SLC39A11: variants seen among roughly 807,000 people sequenced by gnomAD.
SLC39A11 encodes zinc transporter ZIP11.
In SLC39A11, 33 loss-of-function variants were observed where a neutral mutation model predicts 36.1. That is an observed-to-expected ratio of 0.91 (90% CI 0.69 to 1.22). SLC39A11 has a LOEUF of 1.22. Ranked by LOEUF, SLC39A11 falls within the 50% of genes most tolerant of loss-of-function variation. SLC39A11 has a pLI of 0.00. For missense variants in SLC39A11, 432 were observed against 430.3 expected, an observed-to-expected ratio of 1.00 and a Z score of -0.03; for synonymous variants, 166 against 170.3, an observed-to-expected ratio of 0.97 and a Z score of 0.20.
In SLC39A11 at chr17:72,773,082, G is replaced by A. The variant is rs141798419; in HGVS notation, c.602-36363C>T. On this transcript the variant is annotated intron_variant, in intron 6 of 9. Coordinates refer to ENST00000255559, the MANE Select transcript of SLC39A11 (RefSeq NM_139177.4). ...TCTTGGGCGACAAGAGTGAAACTCC[G>A]TCTCAAAAAAGAAAAAAGAAAGAAA... 9.0e-3 allele frequency among the ~76,000 whole-genome samples: 1,365 copies of A among 152,174 alleles called. 10 individuals carry two copies. The highest frequency in any genetic ancestry group is 0.013 in the Non-Finnish European group (900 of 67,994).
At chr17:72,994,929 T>A (rs1428041705) in intron 4 of SLC39A11, among the ~76,000 whole-genome samples, 1 of 152,204 alleles carries the variant, frequency 6.6e-6, no homozygotes, top group African/African-American at 2.4e-5. Context: ...ATGGTGCTAG[T>A]TTCCACCTGG....
intron 3 of SLC39A11, among the ~76,000 whole-genome samples, chr17:73,081,670 C>CATATATGTAGATATGTATGT (rs1568242944): frequency 4.9e-5 from 4 of 82,206 alleles, no homozygotes; most frequent in South Asian, 4.7e-4. Context: ...CACACACACA[C>CATATATGTAGATATGTATGT]ATATATATAC....
intron 5 of SLC39A11, among the ~76,000 whole-genome samples, chr17:72,873,567 G>T (rs2080751488): frequency 6.6e-6 from 1 of 152,172 alleles, no homozygotes; most frequent in East Asian, 1.9e-4. Flanking sequence ...CAGGTTTGCA[G>T]AATGAAGAGA....
rs761969127 is a variant in SLC39A11, at chr17:72,947,840, C to T, written c.342G>A (p.Leu114=). 9.9e-6 allele frequency: 16 copies of T among 1,614,152 alleles called. No individual in the cohort carries two copies. Among genetic ancestry groups the T allele is most frequent in the Non-Finnish European group, 1.4e-5 (16 of 1,180,036 alleles). Reference sequence around the variant, plus strand: ...TCTTCATCAACGTAGAGCCGAAGTTCAGTGCCAGGGTCGTCTGGGGGTCTT... The same window carrying T: ...TCTTCATCAACGTAGAGCCGAAGTTTAGTGCCAGGGTCGTCTGGGGGTCTT... The part of the protein sequence containing the change: ...AAEDPQTTLA[L]NFGSTLMKKK... Residue 114 remains leucine, a synonymous_variant, in exon 5 of 10, where the codon CTG becomes CTA. Transcript: ENST00000255559.
At chr17:73,030,044 G>C (rs2058689403) in intron 4 of SLC39A11, among the ~76,000 whole-genome samples, 1 of 152,190 alleles carries the variant, frequency 6.6e-6, no homozygotes, top group Admixed American at 6.5e-5. Context: ...CAGATCATCA[G>C]GCATTAGTTA....
At chr17:72,932,753 G>A (rs969064085) in intron 5 of SLC39A11, among the ~76,000 whole-genome samples, 1 of 151,920 alleles carries the variant, frequency 6.6e-6, no homozygotes, top group African/African-American at 2.4e-5. Flanking sequence ...CAATATACTA[G>A]GCACCATTCT....
At chr17:72,734,258 ACT>A (rs543124065) in intron 7 of SLC39A11, among the ~76,000 whole-genome samples, 2 of 151,878 alleles carry the variant, frequency 1.3e-5, no homozygotes, top group Non-Finnish European at 2.9e-5. Flanking sequence ...GGAATCACAA[ACT>A]CTACACGTTT....
intron 5 of SLC39A11, among the ~76,000 whole-genome samples, chr17:72,876,753 CT>C (rs2080918927): frequency 6.6e-6 from 1 of 152,200 alleles, no homozygotes; most frequent in Non-Finnish European, 1.5e-5. Flanking sequence ...TATAAACCCC[CT>C]AATTTTAGTC....
intron 6 of SLC39A11, among the ~76,000 whole-genome samples, chr17:72,803,089 G>A (rs556028344): frequency 6.6e-6 from 1 of 152,352 alleles, no homozygotes; most frequent in South Asian, 2.1e-4. Flanking sequence ...ACAAAGACGG[G>A]ATTTGGTTTC....
chr17:72,913,801 G>T (rs1453385845), intron 5 of SLC39A11, among the ~76,000 whole-genome samples: 1 of 151,928 alleles, frequency 6.6e-6, no homozygotes, highest in African/African-American at 2.4e-5. Flanking sequence ...CTGTATCTCA[G>T]TCTGCATGCA....
intron 5 of SLC39A11, among the ~76,000 whole-genome samples, chr17:72,944,526 C>CT (rs2085305711): frequency 3.1e-5 from 4 of 129,728 alleles, no homozygotes; most frequent in Non-Finnish European, 7.1e-5. Flanking sequence ...AGTCCCTTGC[C>CT]TTTCAAACAC....
chr17:72,732,025 TTTTTC>T (rs1299860733), intron 7 of SLC39A11, among the ~76,000 whole-genome samples: 11 of 93,910 alleles, frequency 1.2e-4, no homozygotes, highest in South Asian at 3.6e-4. Context: ...TTTCTTTATT[TTTTTC>T]TTTTCTTTTC....
At chr17:72,745,794 G>A (rs918012662) in intron 6 of SLC39A11, among the ~76,000 whole-genome samples, 2 of 152,256 alleles carry the variant, frequency 1.3e-5, no homozygotes. Flanking sequence ...GAAAATAAGC[G>A]GTGATGCTAC....
intron 7 of SLC39A11, among the ~76,000 whole-genome samples, chr17:72,700,388 C>T (rs1376062510): frequency 1.3e-5 from 2 of 152,198 alleles, no homozygotes; most frequent in Non-Finnish European, 2.9e-5. Context: ...TTGAAGGAAA[C>T]CTAAAATGCC....
At chr17:72,996,821 C>T (rs1410049346) in intron 4 of SLC39A11, among the ~76,000 whole-genome samples, 1 of 152,186 alleles carries the variant, frequency 6.6e-6, no homozygotes, top group Non-Finnish European at 1.5e-5. Flanking sequence ...CTGGCTTCTA[C>T]CATGTGACTT....
At position 72,763,242 on chromosome 17, in the gene SLC39A11, T is replaced by C. The variant is rs553422887; in HGVS notation, c.602-26523A>G. On this transcript the variant is annotated intron_variant, in intron 6 of 9. Transcript: ENST00000255559. ...TTCTAGAGATCAAAATTGAGCTCCA[T>C]GGAACATCAGTAACATTTAAAAGAG... Among the ~76,000 whole-genome samples the C allele has an allele frequency of 2.6e-5, 4 of 152,328 alleles. No individual in the cohort carries two copies. In the South Asian group the frequency reaches 6.2e-4, roughly 24 times the overall value.
At chr17:72,937,869 G>C (rs1029186362) in intron 5 of SLC39A11, among the ~76,000 whole-genome samples, 1 of 152,182 alleles carries the variant, frequency 6.6e-6, no homozygotes, top group African/African-American at 2.4e-5. Flanking sequence ...TCTAAGAGCT[G>C]TAAGAGACCA....
intron 6 of SLC39A11, among the ~76,000 whole-genome samples, chr17:72,844,704 G>A (rs1001752747): frequency 6.6e-6 from 1 of 152,060 alleles, no homozygotes; most frequent in Non-Finnish European, 1.5e-5. Context: ...ACATTCATGG[G>A]CCAATGATTC....
intron 4 of SLC39A11, among the ~76,000 whole-genome samples, chr17:73,015,779 C>T (rs116255247): frequency 0.054 from 8,287 of 152,112 alleles, 507 homozygotes; most frequent in African/African-American, 0.14. Context: ...GATGAGGTTT[C>T]CCCATATTGG....
Sources: gnomAD v4.1 joint callset for allele counts (sites outside exome capture counted in the v4.1 genomes callset) on GRCh38, gnomAD v4.1.1 for gene constraint, MANE v1.5 for transcripts, NCBI Gene and HGNC (gene_info 2026-07-23, HGNC 2026-07-21) for gene names.